Variants in FBXO38 observed in about 807,000 individuals in gnomAD.
FBXO38 encodes F-box only protein 38.
A neutral mutation model predicts 131.9 loss-of-function variants in FBXO38; 53 were observed. The observed-to-expected ratio is 0.40, with a 90% confidence interval of 0.32 to 0.51. The LOEUF (loss-of-function observed/expected upper bound fraction) is 0.51. FBXO38 is among the 20% of genes least tolerant of loss of function. The probability of loss-of-function intolerance (pLI) is 0.53; values close to 1 mark genes in which losing one functional copy is unlikely to be tolerated. For missense variants in FBXO38, 1,076 were observed against 1,475.6 expected, an observed-to-expected ratio of 0.73 and a Z score of 4.44; for synonymous variants, 452 against 505.6, an observed-to-expected ratio of 0.89 and a Z score of 1.42.
chr5:148,385,906 G>T (rs549875776), intron 1 of FBXO38, among the ~76,000 whole-genome samples: 10 of 152,274 alleles, frequency 6.6e-5, no homozygotes, highest in African/African-American at 2.4e-4. Context: ...GTGAGAGGGG[G>T]TATTTTTCAC....
rs761543350 is a variant in FBXO38, at chr5:148,425,633, A to T, written c.1850A>T (p.Asn617Ile). The T allele has an allele frequency of 3.1e-6, 5 of 1,614,054 alleles. No individual in the cohort carries two copies. In the South Asian group the frequency reaches 4.4e-5, roughly 14 times the overall value. ...LELQEVWIPK[N>I]GTRRYSEREE... ...CTCCAAGAAGTCTGGATTCCTAAGAACGGTACTCGGCGTTACTCTGAACGT... is the reference window on the plus strand; with the variant it reads ...CTCCAAGAAGTCTGGATTCCTAAGATCGGTACTCGGCGTTACTCTGAACGT... The change falls in exon 14 of 22, where the codon AAC (asparagine) becomes ATC (isoleucine). Residue 617 changes from asparagine to isoleucine, a missense_variant. Physicochemically the swap from Asn to Ile is moderately radical, Grantham distance 149. Transcript: ENST00000340253.
chr5:148,400,573 A>G (rs537679216), intron 3 of FBXO38, among the ~76,000 whole-genome samples: 12 of 152,268 alleles, frequency 7.9e-5, no homozygotes, highest in South Asian at 4.1e-4. Context: ...AGCCTAGGAT[A>G]AGATCACACT....
chr5:148,402,210 A>G, intron 4 of FBXO38, 65 bp downstream of exon 4: 1 of 1,564,776 alleles, frequency 6.4e-7, no homozygotes. Context: ...AAAGAATGAT[A>G]GACGTGTTCA....
intron 2 of FBXO38, among the ~76,000 whole-genome samples, chr5:148,398,470 T>G (rs1024198668): frequency 6.6e-5 from 10 of 151,100 alleles, no homozygotes; most frequent in Admixed American, 1.3e-4. Context: ...GAAAAGAAAT[T>G]GTGTACTATA....
Position 148,442,317 on chromosome 5 carries a change from A to C in FBXO38, c.*170A>C. On this transcript the variant is annotated 3_prime_UTR_variant, in exon 22 of 22. Coordinates refer to ENST00000340253, the MANE Select transcript of FBXO38 (RefSeq NM_205836.3). The stretch of plus-strand genomic sequence containing the variant: ...TTGTATACAAAGATTTGTACATAAA[A>C]AATATACAAAGACGCTTCCTAAAGT... The C allele has an allele frequency of 2.2e-6, 1 of 446,444 alleles. No homozygotes were observed. The highest frequency in any genetic ancestry group is 3.9e-6 in the Non-Finnish European group (1 of 255,314). The allele number at this position is 446,444 out of a possible 1,614,324, so 27.7% of individuals were successfully genotyped here.
At chr5:148,408,355 A>T (rs1452568894) in intron 7 of FBXO38, among the ~76,000 whole-genome samples, 1 of 152,224 alleles carries the variant, frequency 6.6e-6, no homozygotes. Flanking sequence ...TACACATAGC[A>T]ACAGTTGCAT....
At chr5:148,407,578 CAAATTA>C (rs1298510779) in intron 7 of FBXO38, among the ~76,000 whole-genome samples, 1 of 151,718 alleles carries the variant, frequency 6.6e-6, no homozygotes, top group African/African-American at 2.4e-5. Context: ...TAAATTGTAC[CAAATTA>C]AAATTAAAAT....
At chr5:148,397,947 A>C (rs1333697314) in intron 2 of FBXO38, among the ~76,000 whole-genome samples, 1 of 152,156 alleles carries the variant, frequency 6.6e-6, no homozygotes, top group Non-Finnish European at 1.5e-5. Flanking sequence ...ATGTAGATGG[A>C]GTTTAGGGAA....
chr5:148,416,774 TGCATGA>T, intron 11 of FBXO38: 1 of 523,630 alleles, frequency 1.9e-6, no homozygotes. Flanking sequence ...CTCTTCTCCT[TGCATGA>T]CTCCTCATCT....
chr5:148,410,424 A>T, intron 8 of FBXO38: 1 of 568,726 alleles, frequency 1.8e-6, no homozygotes, highest in Non-Finnish European at 3.0e-6. Flanking sequence ...ATCAGTCAAG[A>T]TGTGACTTGC....
At chr5:148,403,252 A>G (rs149030482) in intron 5 of FBXO38, among the ~76,000 whole-genome samples, 1 of 152,166 alleles carries the variant, frequency 6.6e-6, no homozygotes, top group Non-Finnish European at 1.5e-5. Context: ...AAATATAAGT[A>G]CAGGGTAAGT....
Position 148,441,232 on chromosome 5 carries a change from A to G in FBXO38, c.3383A>G (p.Glu1128Gly). The G allele has an allele frequency of 1.2e-6, 2 of 1,611,390 alleles. No homozygotes were observed. Among genetic ancestry groups the G allele is most frequent in the Non-Finnish European group, 1.7e-6 (2 of 1,177,660 alleles). The change falls in exon 21 of 22, where the codon GAA becomes GGA. Residue 1128 changes from glutamate to glycine, a missense_variant. This residue lies in a region of FBXO38 where 282 missense variants were observed against 418.8 expected (regional missense o/e 0.67). Coordinates refer to ENST00000340253, the MANE Select transcript of FBXO38 (RefSeq NM_205836.3). ...GCTCGATACGACTTTGAAGACGATG[A>G]AGAAAGTAATTATGACCTGACTTGA... Reference protein sequence around the residue: ...SFARYDFEDDEESTIYAPRRK... With the variant: ...SFARYDFEDDGESTIYAPRRK...
At chr5:148,428,605 T>C (rs1306641250) in intron 15 of FBXO38, among the ~76,000 whole-genome samples, 5 of 152,242 alleles carry the variant, frequency 3.3e-5, no homozygotes, top group Admixed American at 6.5e-5. Context: ...ACCTTATTTT[T>C]AAGTACTCTT....
chr5:148,396,638 A>C (rs2113512850), intron 2 of FBXO38, among the ~76,000 whole-genome samples: 1 of 152,284 alleles, frequency 6.6e-6, no homozygotes, highest in South Asian at 2.1e-4. Context: ...GACAATATAT[A>C]ATATGTATAT....
At chr5:148,398,535 ATGG>A (rs1384038014) in intron 2 of FBXO38, among the ~76,000 whole-genome samples, 1 of 152,018 alleles carries the variant, frequency 6.6e-6, no homozygotes, top group Non-Finnish European at 1.5e-5. Context: ...CAGGAGCAGG[ATGG>A]TGGAGTTGAG....
At chr5:148,420,856 CAT>C (rs1372779757) in intron 12 of FBXO38, among the ~76,000 whole-genome samples, 1 of 151,964 alleles carries the variant, frequency 6.6e-6, no homozygotes, top group African/African-American at 2.4e-5. Context: ...GTTGGGATCT[CAT>C]ATGTTGCCCA....
At chr5:148,414,600 A>T (rs772380325) in intron 10 of FBXO38, among the ~76,000 whole-genome samples, 1 of 152,116 alleles carries the variant, frequency 6.6e-6, no homozygotes, top group Non-Finnish European at 1.5e-5. Context: ...AGGTTAGTTC[A>T]TTGTTACCTA....
At chr5:148,423,891 T>C in intron 12 of FBXO38, 107 bp from the exon 13 acceptor site, 1 of 933,928 alleles carries the variant, frequency 1.1e-6, no homozygotes, top group Non-Finnish European at 1.6e-6. Context: ...AGGGCAGGCC[T>C]AGTAATCAGC....
At chr5:148,384,340 G>A (rs1461824236) in intron 1 of FBXO38, among the ~76,000 whole-genome samples, 1 of 152,164 alleles carries the variant, frequency 6.6e-6, no homozygotes, top group African/African-American at 2.4e-5. Context: ...GTGTTGGACT[G>A]GACAGCTTCT....
Sources: gnomAD v4.1 joint callset for allele counts (sites outside exome capture counted in the v4.1 genomes callset) on GRCh38, gnomAD v4.1.1 for gene constraint, gnomAD v4.1.1 regional missense constraint, MANE v1.5 for transcripts, NCBI Gene and HGNC (gene_info 2026-07-23, HGNC 2026-07-21) for gene names.